The following GAS6 variants were observed in gnomAD, a reference collection of about 807,000 sequenced individuals.
GAS6 encodes growth arrest specific 6, also known as growth arrest-specific protein 6.
In GAS6, 41 loss-of-function variants were observed where a neutral mutation model predicts 75.8. That is an observed-to-expected ratio of 0.54 (90% CI 0.42 to 0.70). GAS6 has a LOEUF of 0.70. Among genes scored for constraint, GAS6 ranks in the 30% least tolerant of loss-of-function variants. The pLI is 0.00. For missense variants in GAS6, 854 were observed against 940.2 expected (o/e 0.91, Z 1.20); for synonymous variants, 432 against 412.6 (o/e 1.05, Z -0.57).
At position 113,820,745 on chromosome 13, in the gene GAS6, C is replaced by T; in HGVS notation, c.*119G>A. 1 of 1,157,212 alleles carries T rather than the reference C, an allele frequency of 8.6e-7. No individual in the cohort carries two copies. The highest frequency in any genetic ancestry group is 1.2e-6 in the Non-Finnish European group (1 of 837,696). 71.7% of individuals were successfully genotyped at this position (1,157,212 alleles called of 1,614,324 possible). ...TCACTATTTACAGATATGTTACAGG[C>T]CGGGATGGTCACAGAGGAAAGCCCA... On this transcript the variant is annotated 3_prime_UTR_variant, in exon 15 of 15. Transcript: ENST00000327773.
At position 113,834,739 on chromosome 13, in the gene GAS6, C is replaced by A. The variant is rs1220469546; in HGVS notation, c.713-67G>T. 33 of 1,357,808 alleles carry A rather than the reference C, an allele frequency of 2.4e-5. 1 individual carries two copies. The South Asian group carries it at 7.0e-4, about 29-fold the overall frequency. The allele number at this position is 1,357,808 out of a possible 1,614,324, so 84.1% of individuals were successfully genotyped here. On this transcript the variant is annotated intron_variant, in intron 7 of 14. Coordinates refer to ENST00000327773, the MANE Select transcript of GAS6 (RefSeq NM_000820.4). ...TACGCTGTCCCGCCGTGGGATCACACCGCGATTGCTCAAACCACACGCAAG... is the reference window on the plus strand; with the variant it reads ...TACGCTGTCCCGCCGTGGGATCACAACGCGATTGCTCAAACCACACGCAAG...
chr13:113,838,249 T>G, intron 5 of GAS6, 58 bp from the exon 6 acceptor site: 1 of 1,590,766 alleles, frequency 6.3e-7, no homozygotes, highest in Non-Finnish European at 8.6e-7. Context: ...CTGGCTACGG[T>G]AGGAAGAGAT....
At chr13:113,824,728 C>T (rs1195896347) in intron 12 of GAS6, among the ~76,000 whole-genome samples, 1 of 151,696 alleles carries the variant, frequency 6.6e-6, no homozygotes. Context: ...ACGCCTGAAA[C>T]CCACATCGCC....
intron 14 of GAS6, chr13:113,821,370 TGGA>T (rs1028889002): frequency 4.7e-5 from 12 of 257,548 alleles, no homozygotes; most frequent in African/African-American, 2.6e-4. Context: ...TAAAACTAAG[TGGA>T]GTCTGTGTCT....
chr13:113,830,939 G>GAC (rs1433252433), intron 10 of GAS6, among the ~76,000 whole-genome samples: 1 of 152,284 alleles, frequency 6.6e-6, no homozygotes, highest in Non-Finnish European at 1.5e-5. Flanking sequence ...TGCTCTTGGA[G>GAC]ATACTGCTCC....
chr13:113,846,315 T>G (rs1324485909), intron 4 of GAS6, among the ~76,000 whole-genome samples: 1 of 152,250 alleles, frequency 6.6e-6, no homozygotes, highest in East Asian at 1.9e-4. Context: ...AACATTTACA[T>G]TTTGTTCCAT....
rs201975506 is a variant in GAS6 at position 113,823,377 on chromosome 13, G to A, written c.1651C>T (p.Gln551Ter). The change falls in exon 13 of 15, where the codon CAG (glutamine) becomes TAG (stop). Residue 551 changes from glutamine to a stop codon, truncating the protein, a stop_gained and splice_region_variant. Transcript: ENST00000327773. LOFTEE classifies it high-confidence loss of function. ...DYHSTKKLKK[Q>*]LVVLAVEHTA... ...GCCCTGGGTGGCGGAGGCCCTACCTGCTTCTTGAGTTTCTTCGTGGAGTGA... is the reference window on the plus strand; with the variant it reads ...GCCCTGGGTGGCGGAGGCCCTACCTACTTCTTGAGTTTCTTCGTGGAGTGA... 2 of 1,609,290 alleles carry A rather than the reference G, an allele frequency of 1.2e-6. No homozygotes were observed. The highest frequency in any genetic ancestry group is 1.3e-5 in the African/African-American group (1 of 75,014).
intron 4 of GAS6, chr13:113,841,729 C>A (rs2051782385): frequency 1.1e-5 from 1 of 87,730 alleles, no homozygotes; most frequent in Non-Finnish European, 2.3e-5. Context: ...ATACACCCCA[C>A]AGTTTCCTCC....
intron 2 of GAS6, among the ~76,000 whole-genome samples, chr13:113,853,923 G>A (rs190534593): frequency 7.2e-5 from 11 of 152,270 alleles, no homozygotes; most frequent in Admixed American, 5.9e-4. Flanking sequence ...CTTCACACCC[G>A]CAGCAGCCTG....
At position 113,835,614 on chromosome 13, in the gene GAS6, G is replaced by A. The variant is rs143866544; in HGVS notation, c.611C>T (p.Ser204Leu). The A allele has an allele frequency of 4.9e-4, 785 of 1,612,076 alleles. 1 individual carries two copies. The highest frequency in any genetic ancestry group is 6.3e-4 in the Non-Finnish European group (738 of 1,179,864). ...TCQDIDECAD[S>L]EACGEARCKN... ...GCAGCGCGCCTCCCCGCAGGCCTCCGAGTCTGCGCACTCGTCTATGTCTGC... is the reference window on the plus strand; with the variant it reads ...GCAGCGCGCCTCCCCGCAGGCCTCCAAGTCTGCGCACTCGTCTATGTCTGC... Residue 204 changes from serine (S) to leucine (L), a missense_variant, in exon 7 of 15, where the codon TCG becomes TTG. Physicochemically the swap from Ser to Leu is moderately radical, Grantham distance 145. Coordinates refer to ENST00000327773, the MANE Select transcript of GAS6 (RefSeq NM_000820.4).
intron 2 of GAS6, among the ~76,000 whole-genome samples, chr13:113,859,403 TTAG>T (rs2051951454): frequency 6.7e-6 from 1 of 150,028 alleles, no homozygotes; most frequent in African/African-American, 2.5e-5. Context: ...TACATGTCTG[TTAG>T]TATGTGTGTG....
At chr13:113,854,978 T>A (rs577998166) in intron 2 of GAS6, among the ~76,000 whole-genome samples, 19 of 152,326 alleles carry the variant, frequency 1.2e-4, no homozygotes, top group African/African-American at 4.6e-4. Flanking sequence ...CCCGGTGGCA[T>A]CGCTGTCCTG....
At chr13:113,857,274 G>C (rs190194851) in intron 2 of GAS6, among the ~76,000 whole-genome samples, 19 of 152,310 alleles carry the variant, frequency 1.2e-4, no homozygotes, top group African/African-American at 4.3e-4. Flanking sequence ...CCGTCAGTCA[G>C]AGCAGAGAGT....
At chr13:113,862,631 C>G (rs951361474) in intron 2 of GAS6, among the ~76,000 whole-genome samples, 12 of 152,220 alleles carry the variant, frequency 7.9e-5, no homozygotes, top group Non-Finnish European at 1.6e-4. Context: ...CAGTGGCCAT[C>G]TGACAGCCTC....
At chr13:113,823,848 T>C (rs71449034) in intron 12 of GAS6, among the ~76,000 whole-genome samples, 30,730 of 152,088 alleles carry the variant, frequency 0.2, 3,618 homozygotes, top group South Asian at 0.46. Context: ...CTGTGCACCA[T>C]GGGACGCAGG....
At position 113,863,452 on chromosome 13, in the gene GAS6, G is replaced by A. The variant is rs2051989351; in HGVS notation, c.255+123C>T. 1 of 958,924 alleles carries A rather than the reference G, an allele frequency of 1.0e-6. No homozygotes were observed. The allele number at this position is 958,924 out of a possible 1,614,324, so 59.4% of individuals were successfully genotyped here. On this transcript the variant is annotated intron_variant, in intron 2 of 14. Transcript: ENST00000327773. The surrounding 1 kb of genome is among the most constrained non-coding windows in gnomAD (Gnocchi z 9.4). ...GGACGCGGGGCGGGCCGGGGCTCCT[G>A]GGACCCTGAGGCCAGGCCTCGCCGC...
At chr13:113,856,282 C>T (rs1349268239) in intron 2 of GAS6, among the ~76,000 whole-genome samples, 4 of 152,270 alleles carry the variant, frequency 2.6e-5, no homozygotes, top group South Asian at 4.1e-4. Context: ...ACAGTGGGGC[C>T]GGGGGTGCTG....
chr13:113,836,916 G>A (rs2051723140), intron 6 of GAS6, among the ~76,000 whole-genome samples: 4 of 124,568 alleles, frequency 3.2e-5, no homozygotes, highest in Admixed American at 7.8e-5. Context: ...GGGAATGGTG[G>A]GGAGGAAGAG....
At chr13:113,833,153 C>T in intron 8 of GAS6, 1 of 1,142,794 alleles carries the variant, frequency 8.8e-7, no homozygotes, top group Non-Finnish European at 1.1e-6. Context: ...GCTGTGGTTT[C>T]TCCACGCTGC....
Sources: gnomAD v4.1 joint callset for allele counts (sites outside exome capture counted in the v4.1 genomes callset) on GRCh38, gnomAD v4.1.1 for gene constraint, Gnocchi (gnomAD v3.1) non-coding constraint, MANE v1.5 for transcripts, NCBI Gene and HGNC (gene_info 2026-07-23, HGNC 2026-07-21) for gene names.